ATG10: variants seen among roughly 807,000 people sequenced by gnomAD.
The protein encoded by ATG10 is autophagy related 10.
Under a neutral mutation model 32.1 loss-of-function variants are expected in ATG10, and 30 were observed. The ratio of observed to expected loss-of-function variants is 0.94; its 90% CI spans 0.70 to 1.27. The LOEUF (loss-of-function observed/expected upper bound fraction) is 1.27, where lower values mean the gene tolerates loss of function less well. ATG10 is among the 50% of genes most tolerant of loss of function. ATG10 has a pLI of 0.00. For missense variants in ATG10, 233 were observed against 262.3 expected (o/e 0.89, Z 0.77); for synonymous variants, 87 against 91.5 (o/e 0.95, Z 0.28).
At chr5:81,998,916 T>C (rs1288787508) in intron 2 of ATG10, among the ~76,000 whole-genome samples, 2 of 152,076 alleles carry the variant, frequency 1.3e-5, no homozygotes, top group East Asian at 3.9e-4. Context: ...CAAAGAGACT[T>C]AGATAACCAC....
intron 2 of ATG10, among the ~76,000 whole-genome samples, chr5:82,017,155 C>CTTTTTTTTTTTTTTTTT (rs546239476): frequency 7.1e-6 from 1 of 141,290 alleles, no homozygotes; most frequent in Non-Finnish European, 1.6e-5. Context: ...TATTTTATCT[C>CTTTTTTTTTTTTTTTTT]TTTTTTTTTT....
chr5:82,037,247 T>A (rs1367068230), intron 2 of ATG10, among the ~76,000 whole-genome samples: 2 of 64,846 alleles, frequency 3.1e-5, no homozygotes, highest in Non-Finnish European at 6.4e-5. Flanking sequence ...TTTTTTTTTT[T>A]TTTTTTTTTT....
At chr5:82,224,450 C>G (rs1379468808) in intron 5 of ATG10, among the ~76,000 whole-genome samples, 1 of 152,154 alleles carries the variant, frequency 6.6e-6, no homozygotes, top group Non-Finnish European at 1.5e-5. Context: ...AAAGGTTCAG[C>G]TTTACCTAAG....
intron 3 of ATG10, chr5:82,111,363 C>A (rs918569111): frequency 6.6e-6 from 1 of 151,874 alleles, no homozygotes; most frequent in East Asian, 1.9e-4. Flanking sequence ...TTTTGTGTTA[C>A]GGATGTCTTC....
At chr5:82,119,713 G>A (rs942405976) in intron 3 of ATG10, among the ~76,000 whole-genome samples, 3 of 151,908 alleles carry the variant, frequency 2.0e-5, no homozygotes, top group Non-Finnish European at 4.4e-5. Flanking sequence ...TGCCTGCCTC[G>A]GCCTCCCAAA....
At chr5:82,221,498 C>T (rs1745927376) in intron 5 of ATG10, among the ~76,000 whole-genome samples, 1 of 152,134 alleles carries the variant, frequency 6.6e-6, no homozygotes. Context: ...TTAGAAGACA[C>T]CCATATGTTA....
At chr5:82,178,447 T>C in intron 4 of ATG10, 43 bp from the exon 5 acceptor site, 1 of 1,185,700 alleles carries the variant, frequency 8.4e-7, no homozygotes, top group South Asian at 1.2e-5. Context: ...CACCATTGTG[T>C]CACATGAATT....
At chr5:82,049,859 A>C (rs1283948271) in intron 2 of ATG10, among the ~76,000 whole-genome samples, 2 of 152,102 alleles carry the variant, frequency 1.3e-5, no homozygotes, top group Admixed American at 1.3e-4. Flanking sequence ...AAGTTTTCTT[A>C]CTCCTGATTT....
intron 2 of ATG10, among the ~76,000 whole-genome samples, chr5:81,997,848 T>C (rs988801557): frequency 6.6e-5 from 10 of 151,918 alleles, no homozygotes; most frequent in African/African-American, 1.9e-4. Flanking sequence ...AAAACAAAAA[T>C]AAAGAAGAAT....
chr5:82,199,662 T>A (rs57836666), intron 5 of ATG10, among the ~76,000 whole-genome samples: 2,256 of 152,332 alleles, frequency 0.015, 42 homozygotes, highest in African/African-American at 0.05. Context: ...AACATTATTT[T>A]AAAAAATTTA....
chr5:82,153,596 G>T (rs1368594416), intron 3 of ATG10, among the ~76,000 whole-genome samples: 2 of 152,044 alleles, frequency 1.3e-5, no homozygotes, highest in African/African-American at 4.8e-5. Context: ...ATAAGCCTTG[G>T]TTAAGGGTGA....
At chr5:82,235,928 T>C (rs1429771623) in intron 5 of ATG10, among the ~76,000 whole-genome samples, 2 of 152,242 alleles carry the variant, frequency 1.3e-5, no homozygotes, top group African/African-American at 4.8e-5. Flanking sequence ...TTGATTAGCT[T>C]TTTACAAGTT....
At chr5:81,998,872 A>G (rs953393496) in intron 2 of ATG10, among the ~76,000 whole-genome samples, 3 of 152,234 alleles carry the variant, frequency 2.0e-5, no homozygotes, top group African/African-American at 4.8e-5. Flanking sequence ...ACACAGGAGC[A>G]CCCAGATTCA....
chr5:82,199,710 A>G (rs1744992517), intron 5 of ATG10, among the ~76,000 whole-genome samples: 1 of 152,220 alleles, frequency 6.6e-6, no homozygotes, highest in Non-Finnish European at 1.5e-5. Flanking sequence ...AGACAGTTCC[A>G]TAAGTTTTAG....
rs190752534 is a variant in ATG10 at position 82,115,481 on chromosome 5, A to G, written c.217-48918A>G. 1.1e-4 allele frequency among the ~76,000 whole-genome samples: 16 copies of G among 152,170 alleles called. No individual in the cohort carries two copies. In the East Asian group the frequency reaches 3.1e-3, roughly 29 times the overall value. On this transcript the variant is annotated intron_variant, in intron 3 of 7. Transcript: ENST00000282185. ...TTTTATACTTTTGTATGTGATTGAA[A>G]GTTTTTATAATAAACAGTATTGAGT... is the stretch of plus-strand genomic sequence containing the variant.
At chr5:82,025,077 A>G (rs560849828) in intron 2 of ATG10, among the ~76,000 whole-genome samples, 1 of 152,364 alleles carries the variant, frequency 6.6e-6, no homozygotes, top group South Asian at 2.1e-4. Flanking sequence ...AAGTGAAGAT[A>G]GGAATGGGAA....
At chr5:82,164,285 C>A in intron 3 of ATG10, 114 bp from the exon 4 acceptor site, 2 of 1,066,720 alleles carry the variant, frequency 1.9e-6, no homozygotes, top group Non-Finnish European at 2.8e-6. Flanking sequence ...TGCCTCATAG[C>A]CTTATATTTA....
At chr5:82,210,727 T>G (rs957652890) in intron 5 of ATG10, among the ~76,000 whole-genome samples, 15 of 152,096 alleles carry the variant, frequency 9.9e-5, no homozygotes, top group African/African-American at 3.6e-4. Context: ...CAGGGAACTT[T>G]GGAGTCTGCA....
At chr5:82,221,926 G>A (rs911849367) in intron 5 of ATG10, among the ~76,000 whole-genome samples, 9 of 152,158 alleles carry the variant, frequency 5.9e-5, no homozygotes, top group African/African-American at 2.2e-4. Flanking sequence ...GAAACGTTTT[G>A]CTAGTCTTTT....
Sources: gnomAD v4.1 joint callset for allele counts (sites outside exome capture counted in the v4.1 genomes callset) on GRCh38, gnomAD v4.1.1 for gene constraint, MANE v1.5 for transcripts, NCBI Gene and HGNC (gene_info 2026-07-23, HGNC 2026-07-21) for gene names.